Variants in DOCK1 observed in about 807,000 individuals in gnomAD.
The protein encoded by DOCK1 is dedicator of cytokinesis protein 1.
Under a neutral mutation model 262.7 loss-of-function variants are expected in DOCK1, and 138 were observed. The observed-to-expected ratio is 0.53, with a 90% CI of 0.46 to 0.61. The LOEUF (loss-of-function observed/expected upper bound fraction) is 0.61. DOCK1 is among the 20% of genes least tolerant of loss of function. The pLI is 0.00. For synonymous variants in DOCK1, 866 were observed against 867.4 expected (o/e 1.00, Z 0.03); for missense variants, 1,908 against 2,370.7 (o/e 0.80, Z 4.05).
chr10:127,003,943 G>C (rs924933339), intron 10 of DOCK1, among the ~76,000 whole-genome samples: 11 of 151,480 alleles, frequency 7.3e-5, no homozygotes, highest in African/African-American at 2.7e-4. Flanking sequence ...AACAGGGAGA[G>C]ACTCTGTCTC....
intron 29 of DOCK1, among the ~76,000 whole-genome samples, chr10:127,264,603 C>T (rs533347218): frequency 1.2e-4 from 19 of 152,198 alleles, no homozygotes; most frequent in East Asian, 5.8e-4. Flanking sequence ...GCCGGGTTCT[C>T]ACTGGTTGGT....
At chr10:127,047,228 T>C (rs1203251538) in intron 21 of DOCK1, among the ~76,000 whole-genome samples, 1 of 152,226 alleles carries the variant, frequency 6.6e-6, no homozygotes. Flanking sequence ...TCAGTAATGG[T>C]TGAAAGTGTA....
chr10:126,996,249 A>G (rs953111872), intron 6 of DOCK1, among the ~76,000 whole-genome samples: 4 of 151,914 alleles, frequency 2.6e-5, no homozygotes, highest in African/African-American at 4.8e-5. Context: ...GTGTGGTGGC[A>G]CACACCTGTA....
chr10:127,343,512 A>G (rs554762349), intron 30 of DOCK1, 134 bp from the exon 31 acceptor site: 11 of 724,276 alleles, frequency 1.5e-5, no homozygotes, highest in Middle Eastern at 2.5e-4. Flanking sequence ...AGCAACATGT[A>G]TAGAGTGAGT....
At chr10:126,910,054 C>T (rs998818597) in intron 1 of DOCK1, among the ~76,000 whole-genome samples, 17 of 152,042 alleles carry the variant, frequency 1.1e-4, no homozygotes, top group African/African-American at 3.4e-4. Flanking sequence ...AATTTGGGAG[C>T]GTGGGAGTTG....
At chr10:127,280,003 TTATTTCATATATATATA>T (rs1302662872) in intron 29 of DOCK1, among the ~76,000 whole-genome samples, 1 of 128,934 alleles carries the variant, frequency 7.8e-6, no homozygotes, top group African/African-American at 2.9e-5. Context: ...TTTTAAAATT[TTATTTCATATATATATA>T]TATATATATA....
intron 14 of DOCK1, among the ~76,000 whole-genome samples, chr10:127,024,079 C>G (rs2042647761): frequency 6.6e-6 from 1 of 152,176 alleles, no homozygotes; most frequent in South Asian, 2.1e-4. Context: ...GACCAGAGGT[C>G]AAATCAGAGC....
At chr10:127,192,504 C>A (rs1012217042) in intron 27 of DOCK1, 1 of 152,180 alleles carries the variant, frequency 6.6e-6, no homozygotes, top group Non-Finnish European at 1.5e-5. Context: ...CATCTGATAA[C>A]ATCTTTATAC....
intron 1 of DOCK1, among the ~76,000 whole-genome samples, chr10:126,928,942 C>T (rs2033978340): frequency 1.3e-5 from 2 of 152,216 alleles, no homozygotes; most frequent in African/African-American, 4.8e-5. Flanking sequence ...AGTATTTAAT[C>T]AGGTCACTTT....
intron 38 of DOCK1, among the ~76,000 whole-genome samples, chr10:127,391,801 C>G (rs1590852768): frequency 6.6e-6 from 1 of 152,250 alleles, no homozygotes; most frequent in South Asian, 2.1e-4. Context: ...TCCCTACCCA[C>G]TCTCCTCCCC....
At chr10:126,967,821 T>C (rs2134635293) in intron 1 of DOCK1, among the ~76,000 whole-genome samples, 1 of 152,306 alleles carries the variant, frequency 6.6e-6, no homozygotes, top group East Asian at 1.9e-4. Flanking sequence ...TAATTTTTTC[T>C]TTTTGTTTTT....
intron 1 of DOCK1, among the ~76,000 whole-genome samples, chr10:126,938,908 C>T (rs1162511196): frequency 4.3e-3 from 311 of 72,846 alleles, no homozygotes; most frequent in African/African-American, 0.017. Context: ...CAGGAGGGGA[C>T]GAACACCTGA....
At position 127,446,311 on chromosome 10, in the gene DOCK1, G is replaced by A. The variant is rs2070550811; in HGVS notation, c.5414-1083G>A. Among the ~76,000 whole-genome samples, 1 of 151,946 alleles carries A rather than the reference G, an allele frequency of 6.6e-6. No homozygotes were observed. The highest frequency in any genetic ancestry group is 2.4e-5 in the African/African-American group (1 of 41,390). On this transcript the variant is annotated intron_variant, in intron 50 of 51. Coordinates refer to ENST00000623213, the MANE Select transcript of DOCK1 (RefSeq NM_001290223.2). The surrounding 1 kb of genome is among the most constrained non-coding windows in gnomAD (Gnocchi z 4.4). ...TAGAGGATACTAGGGGCGGGAGAGA[G>A]GAGTGGAGAGTTACTGTTTAATGGG...
At chr10:127,169,630 C>T (rs2054380997) in intron 27 of DOCK1, among the ~76,000 whole-genome samples, 1 of 152,132 alleles carries the variant, frequency 6.6e-6, no homozygotes, top group Admixed American at 6.5e-5. Flanking sequence ...TGGGTGCTTT[C>T]AGGATACAAT....
At chr10:127,066,615 A>G (rs987747996) in intron 23 of DOCK1, among the ~76,000 whole-genome samples, 1 of 152,122 alleles carries the variant, frequency 6.6e-6, no homozygotes, top group South Asian at 2.1e-4. Flanking sequence ...TCCCCAGGAA[A>G]CACCAAACAT....
Position 127,284,231 on chromosome 10 carries a change from T to G in DOCK1, c.3044+26802T>G, listed in dbSNP as rs535487122. Among the ~76,000 whole-genome samples the G allele has an allele frequency of 8.5e-5, 13 of 152,306 alleles. No individual in the cohort carries two copies. In the South Asian group the frequency reaches 1.9e-3, roughly 22 times the overall value. ...TAGTAACCTATTTCATATTTCCAGT[T>G]ATTTTTTCTGTGGTGGTGTTTGCCC... On this transcript the variant is annotated intron_variant, in intron 29 of 51. Coordinates refer to ENST00000623213, the MANE Select transcript of DOCK1 (RefSeq NM_001290223.2).
intron 5 of DOCK1, among the ~76,000 whole-genome samples, chr10:126,989,903 G>T (rs1591552639): frequency 6.6e-6 from 1 of 152,288 alleles, no homozygotes; most frequent in South Asian, 2.1e-4. Flanking sequence ...AGTGTCTCTT[G>T]TGGGTTGTAC....
chr10:127,326,375 G>A, intron 29 of DOCK1, among the ~76,000 whole-genome samples: 1 of 152,134 alleles, frequency 6.6e-6, no homozygotes, highest in East Asian at 1.9e-4. Context: ...TAAATCCTTT[G>A]TCATTTCAAC....
At chr10:126,912,554 G>A (rs543606828) in intron 1 of DOCK1, among the ~76,000 whole-genome samples, 1 of 149,606 alleles carries the variant, frequency 6.7e-6, no homozygotes, top group Non-Finnish European at 1.5e-5. Context: ...GTGAAACCCT[G>A]TCTCTACTAA....
Sources: gnomAD v4.1 joint callset for allele counts (sites outside exome capture counted in the v4.1 genomes callset) on GRCh38, gnomAD v4.1.1 for gene constraint, Gnocchi (gnomAD v3.1) non-coding constraint, MANE v1.5 for transcripts, NCBI Gene and HGNC (gene_info 2026-07-23, HGNC 2026-07-21) for gene names.